The following IL15 variants were observed in gnomAD, a reference collection of about 807,000 sequenced individuals.
IL15 encodes the protein interleukin-15.
Under a neutral mutation model 19.6 loss-of-function variants are expected in IL15, and 11 were observed. That is an observed-to-expected ratio of 0.56 (90% CI 0.35 to 0.93). The LOEUF (loss-of-function observed/expected upper bound fraction) is 0.93. IL15 is among the 40% of genes least tolerant of loss of function. The pLI is 0.01. For synonymous variants in IL15, 58 were observed against 59.6 expected (o/e 0.97, Z 0.12); for missense variants, 197 against 186.5 (o/e 1.06, Z -0.33).
At chr4:141,708,328 G>A (rs1729594431) in intron 2 of IL15, among the ~76,000 whole-genome samples, 1 of 152,114 alleles carries the variant, frequency 6.6e-6, no homozygotes, top group African/African-American at 2.4e-5. Context: ...TGAACATAGT[G>A]GAATGAGAGC....
chr4:141,693,658 C>G (rs1292515480), intron 2 of IL15, among the ~76,000 whole-genome samples: 1 of 152,024 alleles, frequency 6.6e-6, no homozygotes, highest in Non-Finnish European at 1.5e-5. Flanking sequence ...AAAGATACTT[C>G]TAGATAGTGG....
rs552510941 is a variant in IL15 at position 141,689,897 on chromosome 4, G to A, written c.-99-29469G>A. On this transcript the variant is annotated intron_variant, in intron 2 of 7. Coordinates refer to ENST00000320650, the MANE Select transcript of IL15 (RefSeq NM_000585.5). ...TGGGTGGTCGATGGGACTGGGCGCC[G>A]TGGAGCAGGGGGCGGTGCTCATCGG... 8.5e-5 allele frequency among the ~76,000 whole-genome samples: 13 copies of A among 152,326 alleles called. No homozygotes were observed. In the East Asian group the frequency reaches 1.5e-3, roughly 18 times the overall value.
At chr4:141,659,606 A>T (rs900284738) in intron 2 of IL15, among the ~76,000 whole-genome samples, 2 of 152,254 alleles carry the variant, frequency 1.3e-5, no homozygotes, top group African/African-American at 4.8e-5. Flanking sequence ...AGACATTTTT[A>T]GTAATAGCAA....
chr4:141,639,863 A>C (rs1726985972), intron 1 of IL15, among the ~76,000 whole-genome samples: 1 of 152,204 alleles, frequency 6.6e-6, no homozygotes, highest in African/African-American at 2.4e-5. Flanking sequence ...AGAGGAGTTG[A>C]AGGAAAAATT....
At chr4:141,644,993 T>A (rs1310164340) in intron 1 of IL15, among the ~76,000 whole-genome samples, 1 of 152,186 alleles carries the variant, frequency 6.6e-6, no homozygotes. Context: ...TCTTTCTTTC[T>A]TTTCTATGAG....
intron 4 of IL15, chr4:141,721,041 T>A: frequency 1.3e-6 from 1 of 793,914 alleles, no homozygotes; most frequent in Non-Finnish European, 2.0e-6. Flanking sequence ...GACTATTAAC[T>A]TTTTTCTTCT....
intron 2 of IL15, among the ~76,000 whole-genome samples, chr4:141,686,855 ATACT>A (rs1294347906): frequency 1.3e-5 from 2 of 152,224 alleles, no homozygotes; most frequent in Non-Finnish European, 2.9e-5. Context: ...GTTCATTATA[ATACT>A]TTATTTTCTA....
In IL15 at chr4:141,662,310, G is replaced by T. The variant is rs370831667; in HGVS notation, c.-100+6003G>T. ...TGAAAGAGATGTTTTTAAATTACCC[G>T]CAATGACGGTGAATTTGCCTATAAG... On this transcript the variant is annotated intron_variant, in intron 2 of 7. Transcript: ENST00000320650. 2.3e-3 allele frequency among the ~76,000 whole-genome samples: 349 copies of T among 152,242 alleles called. 12 individuals carry two copies. In the South Asian group the frequency reaches 0.066, roughly 29 times the overall value.
intron 1 of IL15, among the ~76,000 whole-genome samples, chr4:141,648,527 G>A (rs975352793): frequency 1.6e-4 from 24 of 151,962 alleles, no homozygotes; most frequent in African/African-American, 5.8e-4. Context: ...GAAAATAATA[G>A]TATTGCGGAA....
rs1213561974 is a variant in IL15 at position 141,709,394 on chromosome 4, T to C, written c.-99-9972T>C. 2.6e-5 allele frequency among the ~76,000 whole-genome samples: 4 copies of C among 152,324 alleles called. 1 individual carries two copies. Among genetic ancestry groups the C allele is most frequent in the African/African-American group, 9.6e-5 (4 of 41,566 alleles). Reference sequence around the variant, plus strand: ...CATAAAAAGGTTGTTCATTGTGTTTTTAAAATTTGCCCTAGGCATTGGTTT... The same window carrying C: ...CATAAAAAGGTTGTTCATTGTGTTTCTAAAATTTGCCCTAGGCATTGGTTT... On this transcript the variant is annotated intron_variant, in intron 2 of 7. Coordinates refer to ENST00000320650, the MANE Select transcript of IL15 (RefSeq NM_000585.5).
rs193019392 is a variant in IL15 at position 141,672,065 on chromosome 4, G to A, written c.-100+15758G>A. ...TGTTTCAATCATCATTACTAGCAAG[G>A]AATAATAGTATGAAAAGGCACAGTT... On this transcript the variant is annotated intron_variant, in intron 2 of 7. Coordinates refer to ENST00000320650, the MANE Select transcript of IL15 (RefSeq NM_000585.5). Among the ~76,000 whole-genome samples the A allele has an allele frequency of 1.4e-4, 21 of 152,256 alleles. No homozygotes were observed. The East Asian group carries it at 3.3e-3, about 24-fold the overall frequency.
Position 141,732,870 on chromosome 4 carries a change from G to T in IL15, c.*22G>T. 6.2e-7 allele frequency: 1 copy of T among 1,600,524 alleles called. No individual in the cohort carries two copies. The highest frequency in any genetic ancestry group is 8.5e-7 in the Non-Finnish European group (1 of 1,175,794). On this transcript the variant is annotated 3_prime_UTR_variant, in exon 8 of 8. Transcript: ENST00000320650. Reference sequence around the variant, plus strand: ...TTGATTGCAATTGATTCTTTTTAAAGTGTTTCTGTTATTAACAAACATCAC... The same window carrying T: ...TTGATTGCAATTGATTCTTTTTAAATTGTTTCTGTTATTAACAAACATCAC...
At chr4:141,731,409 T>C (rs1220315456) in intron 7 of IL15, among the ~76,000 whole-genome samples, 1 of 152,200 alleles carries the variant, frequency 6.6e-6, no homozygotes, top group Non-Finnish European at 1.5e-5. Context: ...ATATATTAAA[T>C]ACTTTACATA....
In IL15 at chr4:141,656,197, A is replaced by C. The variant is rs1200493828; in HGVS notation, c.-210A>C. The C allele has an allele frequency of 1.3e-5, 5 of 398,326 alleles. No homozygotes were observed. The highest frequency in any genetic ancestry group is 1.0e-4 in the African/African-American group (5 of 48,608). The allele number at this position is 398,326 out of a possible 1,614,324, so 24.7% of individuals were successfully genotyped here. A position where few individuals can be genotyped will look rare whatever the true frequency, so the allele number is the denominator to read the frequency against. On this transcript the variant is annotated 5_prime_UTR_variant, in exon 2 of 8. Coordinates refer to ENST00000320650, the MANE Select transcript of IL15 (RefSeq NM_000585.5). ...TTTGACTCTTACAGAATCCATTCCAATATATGGCCATGTGGCTCTTTGGAG... is the reference window on the plus strand; with the variant it reads ...TTTGACTCTTACAGAATCCATTCCACTATATGGCCATGTGGCTCTTTGGAG...
intron 2 of IL15, among the ~76,000 whole-genome samples, chr4:141,692,414 G>A (rs542939621): frequency 1.3e-5 from 2 of 152,226 alleles, no homozygotes; most frequent in South Asian, 4.2e-4. Context: ...ACAGAAAGTG[G>A]GTTTTTCTTT....
intron 1 of IL15, among the ~76,000 whole-genome samples, chr4:141,645,443 T>C (rs1030603792): frequency 6.6e-6 from 1 of 152,136 alleles, no homozygotes; most frequent in South Asian, 2.1e-4. Context: ...TCTTGGAGAA[T>C]CTTTTGCTGC....
intron 2 of IL15, among the ~76,000 whole-genome samples, chr4:141,699,634 G>A (rs1439470804): frequency 1.3e-5 from 2 of 152,074 alleles, no homozygotes; most frequent in Admixed American, 1.3e-4. Flanking sequence ...TTTGTCTGAT[G>A]TAAAAATAGC....
intron 2 of IL15, among the ~76,000 whole-genome samples, chr4:141,670,299 T>C (rs1485806313): frequency 6.6e-6 from 1 of 151,728 alleles, no homozygotes; most frequent in African/African-American, 2.4e-5. Flanking sequence ...CTATAAGAAT[T>C]GTAGCCAGCT....
At chr4:141,712,045 A>T (rs1002447863) in intron 2 of IL15, among the ~76,000 whole-genome samples, 2 of 152,128 alleles carry the variant, frequency 1.3e-5, no homozygotes, top group East Asian at 1.9e-4. Flanking sequence ...TGCCCTGTCA[A>T]TGTGAAAGCT....
Sources: gnomAD v4.1 joint callset for allele counts (sites outside exome capture counted in the v4.1 genomes callset) on GRCh38, gnomAD v4.1.1 for gene constraint, MANE v1.5 for transcripts, NCBI Gene and HGNC (gene_info 2026-07-23, HGNC 2026-07-21) for gene names.